The following ANKS1B variants were observed in gnomAD, a reference collection of about 807,000 sequenced individuals.
The protein encoded by ANKS1B is ankyrin repeat and sterile alpha motif domain containing 1B.
A neutral mutation model predicts 148.3 loss-of-function variants in ANKS1B; 36 were observed. The ratio of observed to expected loss-of-function variants is 0.24; its 90% CI spans 0.19 to 0.32. The LOEUF (loss-of-function observed/expected upper bound fraction) is 0.32. Ranked by LOEUF, ANKS1B falls within the 10% of genes least tolerant of loss-of-function variation. The probability of loss-of-function intolerance (pLI) is 1.00; values close to 1 mark genes in which losing one functional copy is unlikely to be tolerated. For synonymous variants in ANKS1B, 542 were observed against 560.8 expected (o/e 0.97, Z 0.47); for missense variants, 1,157 against 1,542.6 (o/e 0.75, Z 4.19).
intron 9 of ANKS1B, among the ~76,000 whole-genome samples, chr12:99,609,135 T>C (rs1216197155): frequency 6.6e-6 from 1 of 152,008 alleles, no homozygotes; most frequent in African/African-American, 2.4e-5. Context: ...GAAGTTCCCA[T>C]GGGAGAAGCA....
rs144496031 is a variant in ANKS1B, at chr12:99,505,926, T to C, written c.1273-1285A>G. Among the ~76,000 whole-genome samples, 7 of 152,156 alleles carry C rather than the reference T, an allele frequency of 4.6e-5. No individual in the cohort carries two copies. The East Asian group carries it at 1.4e-3, about 29-fold the overall frequency. ...CTTAAATGTGCTCAGAACACTTACATTAGCGTATAGTTGGGCAAAATCATC... is the reference window on the plus strand; with the variant it reads ...CTTAAATGTGCTCAGAACACTTACACTAGCGTATAGTTGGGCAAAATCATC... On this transcript the variant is annotated intron_variant, in intron 9 of 26. Coordinates refer to ENST00000683438, the MANE Select transcript of ANKS1B (RefSeq NM_001352186.2).
At chr12:99,932,744 T>C (rs2094654389) in intron 1 of ANKS1B, among the ~76,000 whole-genome samples, 1 of 152,154 alleles carries the variant, frequency 6.6e-6, no homozygotes, top group Non-Finnish European at 1.5e-5. Context: ...CATTGTTTCC[T>C]TTACTGTGCA....
intron 1 of ANKS1B, among the ~76,000 whole-genome samples, chr12:99,916,525 G>A (rs2153792211): frequency 6.6e-6 from 1 of 152,278 alleles, no homozygotes; most frequent in African/African-American, 2.4e-5. Context: ...AATTGAGATG[G>A]ATATACTTAG....
intron 1 of ANKS1B, among the ~76,000 whole-genome samples, chr12:99,938,428 A>C (rs759757831): frequency 8.5e-5 from 13 of 152,194 alleles, no homozygotes; most frequent in Non-Finnish European, 1.9e-4. Flanking sequence ...AGAGGATTCA[A>C]GTCAGCTGTG....
At chr12:98,743,108 G>T (rs1436024508), downstream of ANKS1B, among the ~76,000 whole-genome samples, 1 of 152,122 alleles carries the variant, frequency 6.6e-6, no homozygotes, top group Admixed American at 6.5e-5. Context: ...CTTTTCAGAA[G>T]TAATTAGGAG....
intron 8 of ANKS1B, among the ~76,000 whole-genome samples, chr12:99,667,002 C>G (rs1211002488): frequency 6.6e-6 from 1 of 151,900 alleles, no homozygotes; most frequent in South Asian, 2.1e-4. Flanking sequence ...ATTTATTCAT[C>G]TTATAACTGA....
chr12:99,848,496 A>C (rs74659220), intron 1 of ANKS1B, among the ~76,000 whole-genome samples: 12,083 of 152,274 alleles, frequency 0.079, 562 homozygotes, highest in South Asian at 0.12. Flanking sequence ...ATAATGTAAA[A>C]GAACAACTGG....
chr12:99,947,709 C>A (rs1294126021), intron 1 of ANKS1B, among the ~76,000 whole-genome samples: 1 of 152,128 alleles, frequency 6.6e-6, no homozygotes, highest in Non-Finnish European at 1.5e-5. Context: ...ACAAAGCCAG[C>A]ATCAAGGTGT....
At chr12:98,982,717 G>T (rs2099913242) in intron 17 of ANKS1B, among the ~76,000 whole-genome samples, 3 of 152,088 alleles carry the variant, frequency 2.0e-5, no homozygotes, top group South Asian at 2.1e-4. Context: ...TCATATCATT[G>T]TAATCATAGT....
At chr12:99,416,267 T>C (rs1743715821) in intron 11 of ANKS1B, among the ~76,000 whole-genome samples, 3 of 152,228 alleles carry the variant, frequency 2.0e-5, no homozygotes, top group Non-Finnish European at 4.4e-5. Flanking sequence ...GAAGGACATC[T>C]GGGTTGTTTC....
At chr12:99,786,389 G>A (rs2065012222) in intron 4 of ANKS1B, among the ~76,000 whole-genome samples, 2 of 152,230 alleles carry the variant, frequency 1.3e-5, no homozygotes, top group South Asian at 4.1e-4. Flanking sequence ...CAAGGTACGA[G>A]TGGCAGTGGG....
intron 8 of ANKS1B, among the ~76,000 whole-genome samples, chr12:99,696,345 A>C (rs1311418381): frequency 1.3e-5 from 2 of 152,216 alleles, no homozygotes; most frequent in African/African-American, 4.8e-5. Context: ...TGTACTATAA[A>C]GCTACAATAA....
chr12:99,550,623 C>CAAA (rs34087621), intron 9 of ANKS1B, among the ~76,000 whole-genome samples: 6 of 134,390 alleles, frequency 4.5e-5, no homozygotes, highest in African/African-American at 5.2e-5. Flanking sequence ...AACTCTATCT[C>CAAA]AAAAAAAAAA....
Position 99,246,866 on chromosome 12 carries a change from T to C in ANKS1B, c.1757-2A>G. ...TGTCATCCTGTCGGGAGAGGTCATC[T>C]GCAAAAGGAAGGAAGGGATATCAGG... is the stretch of plus-strand genomic sequence containing the variant. On this transcript the variant is annotated splice_acceptor_variant, in intron 12 of 26. Transcript: ENST00000683438. LOFTEE classifies it high-confidence loss of function. The C allele has an allele frequency of 6.4e-7, 1 of 1,569,550 alleles. No homozygotes were observed. Among genetic ancestry groups the C allele is most frequent in the Non-Finnish European group, 8.6e-7 (1 of 1,166,418 alleles).
intron 15 of ANKS1B, among the ~76,000 whole-genome samples, chr12:99,107,177 T>A (rs1296945208): frequency 6.6e-6 from 1 of 151,976 alleles, no homozygotes; most frequent in Admixed American, 6.6e-5. Context: ...AATTTATAAA[T>A]TAATATAGCA....
chr12:99,911,210 G>T (rs1203303384), intron 1 of ANKS1B, among the ~76,000 whole-genome samples: 2 of 152,088 alleles, frequency 1.3e-5, no homozygotes, highest in Admixed American at 6.6e-5. Context: ...CCTCTGTAAG[G>T]GCAATTGAGT....
intron 10 of ANKS1B, among the ~76,000 whole-genome samples, chr12:99,449,554 T>A (rs962462278): frequency 2.6e-5 from 4 of 152,142 alleles, no homozygotes; most frequent in African/African-American, 4.8e-5. Context: ...ATCATTTACG[T>A]GTGCAGATAA....
intron 12 of ANKS1B, among the ~76,000 whole-genome samples, chr12:99,346,704 G>C (rs1467060118): frequency 6.6e-6 from 1 of 151,878 alleles, no homozygotes; most frequent in Non-Finnish European, 1.5e-5. Context: ...TGAAATTCTG[G>C]GATGTTATTA....
At chr12:98,917,393 G>A (rs571688143) in intron 17 of ANKS1B, among the ~76,000 whole-genome samples, 1 of 152,180 alleles carries the variant, frequency 6.6e-6, no homozygotes, top group East Asian at 1.9e-4. Flanking sequence ...ATGCTCCAGA[G>A]AGCCAGTGTC....
Sources: allele counts gnomAD v4.1 joint callset (sites outside exome capture counted in the v4.1 genomes callset), GRCh38; gene constraint gnomAD v4.1.1; transcripts MANE v1.5; gene names NCBI Gene and HGNC (gene_info 2026-07-23, HGNC 2026-07-21).